Variants in PCDH19 observed in about 807,000 individuals in gnomAD.
PCDH19 encodes protocadherin-19.
A neutral mutation model predicts 46.2 loss-of-function variants in PCDH19; 6 were observed. The ratio of observed to expected loss-of-function variants is 0.13; its 90% CI spans 0.07 to 0.26. The LOEUF (loss-of-function observed/expected upper bound fraction) is 0.26, where lower values mean the gene tolerates loss of function less well. Among genes scored for constraint, PCDH19 ranks in the 10% least tolerant of loss-of-function variants. The pLI is 1.00. For synonymous variants in PCDH19, 481 were observed against 415.7 expected, an observed-to-expected ratio of 1.16 and a Z score of -1.91; for missense variants, 740 against 972.3, an observed-to-expected ratio of 0.76 and a Z score of 3.18.
chrX:100,353,052 G>T (rs1320552885), intron 3 of PCDH19, among the ~76,000 whole-genome samples: 1 of 111,749 alleles, frequency 8.9e-6, no homozygotes, highest in Non-Finnish European at 1.9e-5. Flanking sequence ...ATCCAAAGGA[G>T]AATTTCAGCT....
At position 100,294,262 on chromosome X, in the gene PCDH19, G is replaced by T. The variant is rs1924521487; in HGVS notation, c.*2015C>A. The T allele has an allele frequency of 8.9e-6, 1 of 112,280 alleles. No individual in the cohort carries two copies. The highest frequency in any genetic ancestry group is 3.2e-5 in the African/African-American group (1 of 30,854). The allele number at this position is 112,280 out of a possible 1,213,427, so 9.3% of individuals were successfully genotyped here. A position where few individuals can be genotyped will look rare whatever the true frequency, so the allele number is the denominator to read the frequency against. ...CAATGAAATGAGGAAAAATGAAGAT[G>T]TTATGGTAATTCATCCTTAATTGTG... On this transcript the variant is annotated 3_prime_UTR_variant, in exon 6 of 6. Coordinates refer to ENST00000373034, the MANE Select transcript of PCDH19 (RefSeq NM_001184880.2).
chrX:100,315,462 C>T (rs1039328627), intron 5 of PCDH19, among the ~76,000 whole-genome samples: 19 of 112,423 alleles, frequency 1.7e-4, no homozygotes, highest in South Asian at 7.4e-4. Context: ...CTGTCCTTCA[C>T]GTCAATATTG....
intron 5 of PCDH19, among the ~76,000 whole-genome samples, chrX:100,336,730 T>C (rs1208417174): frequency 8.9e-6 from 1 of 111,975 alleles, no homozygotes; most frequent in Non-Finnish European, 1.9e-5. Context: ...TTCAGTGTTG[T>C]AGCGAACTCC....
At position 100,347,932 on chromosome X, in the gene PCDH19, G is replaced by A. The variant is rs187333827; in HGVS notation, c.2675+2714C>T. Among the ~76,000 whole-genome samples, 830 of 107,925 alleles carry A rather than the reference G, an allele frequency of 7.7e-3. 23 individuals are homozygous for A. The highest frequency in any genetic ancestry group is 0.064 in the Admixed American group (641 of 10,009). 93.7% of individuals were successfully genotyped at this position (107,925 alleles called of 115,157 possible). On this transcript the variant is annotated intron_variant, in intron 4 of 5. Transcript: ENST00000373034. ...AAAAAAAAAATTAGCCAGGCACGGT[G>A]GCGCATGCCTGTAATCCCAGCTACT...
Position 100,408,635 on chromosome X carries a change from C to A in PCDH19, c.-38G>T, listed in dbSNP as rs760863131. The A allele has an allele frequency of 2.7e-5, 29 of 1,062,571 alleles. No homozygotes were observed. The highest frequency in any genetic ancestry group is 2.1e-4 in the Admixed American group (8 of 38,690). 87.6% of individuals were successfully genotyped at this position (1,062,571 alleles called of 1,213,427 possible). ...CTCTGCCTGGCCTCGCCTCTCCACA[C>A]CCCTCCGAGACCGACGCCGTCGGCG... On this transcript the variant is annotated 5_prime_UTR_variant, in exon 1 of 6. Coordinates refer to ENST00000373034, the MANE Select transcript of PCDH19 (RefSeq NM_001184880.2).
intron 3 of PCDH19, 114 bp from the exon 4 acceptor site, chrX:100,350,818 G>C (rs1926547430): frequency 2.4e-5 from 13 of 546,627 alleles, no homozygotes; most frequent in South Asian, 1.3e-4. Context: ...GAGTGAATTG[G>C]AACCCAAGGC....
At chrX:100,365,439 T>C (rs1927041994) in intron 3 of PCDH19, among the ~76,000 whole-genome samples, 1 of 111,698 alleles carries the variant, frequency 9.0e-6, no homozygotes, top group Non-Finnish European at 1.9e-5. Context: ...CTTCATAAAT[T>C]AAAAAATATA....
chrX:100,331,240 A>C (rs1036876443), intron 5 of PCDH19, among the ~76,000 whole-genome samples: 1 of 112,137 alleles, frequency 8.9e-6, no homozygotes, highest in Admixed American at 9.4e-5. Flanking sequence ...GCTCCAAAAC[A>C]GCTCTGGAGA....
Position 100,296,286 on chromosome X carries a change from G to C in PCDH19, c.3438C>G (p.Ile1146Met). Residue 1146 changes from isoleucine (I) to methionine (M), a missense_variant, in exon 6 of 6, where the codon ATC becomes ATG. This residue lies in a region of PCDH19 where 416 missense variants were observed against 476.8 expected (regional missense o/e 0.87). Transcript: ENST00000373034. The part of the protein sequence containing the change: ...ESPGVKRLKD[I>M]VL ...CTTCCTGGAGACTGGTTTAGAGAAC[G>C]ATATCCTTCAGACGCTTCACACCAG... 8.3e-7 allele frequency: 1 copy of C among 1,204,867 alleles called. No individual in the cohort carries two copies. Among genetic ancestry groups the C allele is most frequent in the Non-Finnish European group, 1.1e-6 (1 of 889,152 alleles).
chrX:100,389,092 G>T (rs1172116164), intron 3 of PCDH19, among the ~76,000 whole-genome samples: 1 of 110,634 alleles, frequency 9.0e-6, no homozygotes, highest in Non-Finnish European at 1.9e-5. Flanking sequence ...ATATATAAGG[G>T]TATTGTTTAA....
In PCDH19 at chrX:100,296,595, G is replaced by T. The variant is rs1477784143; in HGVS notation, c.3129C>A (p.Ile1043=). The T allele has an allele frequency of 8.3e-7, 1 of 1,211,742 alleles. No individual in the cohort carries two copies. Among genetic ancestry groups the T allele is most frequent in the South Asian group, 1.8e-5 (1 of 56,958 alleles). Residue 1043 remains isoleucine, a synonymous_variant, in exon 6 of 6, where the codon ATC becomes ATA. Transcript: ENST00000373034. ...LKGKRTVDVT[I]CSPKVNSVIR... is the part of the protein sequence containing the mutation. ...TAACGCTGTTGACCTTGGGGCTGCA[G>T]ATGGTCACATCGACAGTCCTCTTGC...
chrX:100,383,336 C>T (rs1045884856), intron 3 of PCDH19, among the ~76,000 whole-genome samples: 21 of 111,819 alleles, frequency 1.9e-4, no homozygotes, highest in African/African-American at 6.8e-4. Flanking sequence ...AGCAAAGATG[C>T]AATAAATCAA....
At chrX:100,402,872 C>A (rs765670435) in intron 2 of PCDH19, 21 bp from the exon 3 acceptor site, 7 of 1,131,905 alleles carry the variant, frequency 6.2e-6, no homozygotes, top group Non-Finnish European at 8.5e-6. Context: ...GAAAAGGCAG[C>A]ATGAATCACT....
chrX:100,316,014 C>A (rs1925292181), intron 5 of PCDH19, among the ~76,000 whole-genome samples: 1 of 111,694 alleles, frequency 9.0e-6, no homozygotes, highest in African/African-American at 3.3e-5. Context: ...TTCAGGCTAC[C>A]ACAACTAGTA....
intron 5 of PCDH19, among the ~76,000 whole-genome samples, chrX:100,303,550 T>C (rs1602571179): frequency 9.0e-6 from 1 of 110,774 alleles, no homozygotes; most frequent in South Asian, 3.9e-4. Flanking sequence ...TAAAGTAAAA[T>C]TTTAGCAAAA....
At chrX:100,379,737 T>C (rs1362344727) in intron 3 of PCDH19, among the ~76,000 whole-genome samples, 1 of 112,401 alleles carries the variant, frequency 8.9e-6, no homozygotes, top group African/African-American at 3.2e-5. Context: ...GAAGAGGCCC[T>C]TGACCTCCTA....
intron 2 of PCDH19, among the ~76,000 whole-genome samples, chrX:100,403,114 T>C (rs1002865819): frequency 9.0e-6 from 1 of 111,600 alleles, no homozygotes; most frequent in Admixed American, 9.5e-5. Context: ...TTTTTCATTG[T>C]GAGTGGCCTG....
In PCDH19 at chrX:100,350,625, TAAGC is replaced by T. The variant is rs1361746229; in HGVS notation, c.2675+17_2675+20del. 1 of 1,106,055 alleles carries T rather than the reference TAAGC, an allele frequency of 9.0e-7. No individual in the cohort carries two copies. Among genetic ancestry groups the T allele is most frequent in the East Asian group, 3.0e-5 (1 of 33,425 alleles). The allele number at this position is 1,106,055 out of a possible 1,213,427, so 91.2% of individuals were successfully genotyped here. A position where few individuals can be genotyped will look rare whatever the true frequency, so the allele number is the denominator to read the frequency against. On this transcript the variant is annotated intron_variant, in intron 4 of 5. Coordinates refer to ENST00000373034, the MANE Select transcript of PCDH19 (RefSeq NM_001184880.2). ...GTTAAATCAAGCTTAGTTGCAGCAATAAGCAAGCAAACCAACATACCTCTTGATT... is the reference window on the plus strand; with the variant it reads ...GTTAAATCAAGCTTAGTTGCAGCAATAAGCAAACCAACATACCTCTTGATT...
chrX:100,335,528 T>C (rs992201420), intron 5 of PCDH19, among the ~76,000 whole-genome samples: 2 of 112,137 alleles, frequency 1.8e-5, no homozygotes, highest in Non-Finnish European at 3.8e-5. Flanking sequence ...AGATCTTGAT[T>C]GTAACAGTCT....
Sources: gnomAD v4.1 joint callset for allele counts (sites outside exome capture counted in the v4.1 genomes callset) on GRCh38, gnomAD v4.1.1 for gene constraint, gnomAD v4.1.1 regional missense constraint, MANE v1.5 for transcripts, NCBI Gene and HGNC (gene_info 2026-07-23, HGNC 2026-07-21) for gene names.